The following ABCB11 variants were observed in gnomAD, a reference collection of about 807,000 sequenced individuals.
The protein encoded by ABCB11 is bile salt export pump.
In ABCB11, 95 loss-of-function variants were observed where a neutral mutation model predicts 148.0. That is an observed-to-expected ratio of 0.64 (90% confidence interval 0.54 to 0.76). The LOEUF (loss-of-function observed/expected upper bound fraction) is 0.76, where lower values mean the gene tolerates loss of function less well. ABCB11 is among the 30% of genes least tolerant of loss of function. The pLI is 0.00. For synonymous variants in ABCB11, 591 were observed against 555.4 expected (o/e 1.06, Z -0.90); for missense variants, 1,523 against 1,617.8 (o/e 0.94, Z 1.01).
At chr2:168,961,330 G>A (rs1033344758) in intron 18 of ABCB11, among the ~76,000 whole-genome samples, 2 of 151,812 alleles carry the variant, frequency 1.3e-5, no homozygotes, top group South Asian at 4.1e-4. Flanking sequence ...CCATTCAGTA[G>A]AGGTTCCCTG....
chr2:169,014,291 C>G lies in ABCB11; in HGVS notation c.150+12G>C, dbSNP rs376490841. 2.5e-6 allele frequency: 4 copies of G among 1,611,392 alleles called. No individual in the cohort carries two copies. The highest frequency in any genetic ancestry group is 3.4e-6 in the Non-Finnish European group (4 of 1,177,822). ...GCACACCCACTGCCATAAATCAACA[C>G]AGTTTTATTACCAATTGAAAGAAGC... On this transcript the variant is annotated intron_variant, in intron 4 of 27. Transcript: ENST00000650372.
At position 168,990,871 on chromosome 2, in the gene ABCB11, C is replaced by T; in HGVS notation, c.838G>A (p.Val280Met). ...ATTGATGAAATGACTTCATCAGCCA[C>T]CACCCCTGCTTTGGCATAGGCCTTC... ...ELKAYAKAGVVADEVISSMRT... is the reference protein window; with the variant it reads ...ELKAYAKAGVMADEVISSMRT... Residue 280 changes from valine to methionine, a missense_variant, in exon 9 of 28, where the codon GTG becomes ATG. Physicochemically the swap from Val to Met is conservative, Grantham distance 21. Transcript: ENST00000650372. 1 of 1,613,234 alleles carries T rather than the reference C, an allele frequency of 6.2e-7. No individual in the cohort carries two copies. Among genetic ancestry groups the T allele is most frequent in the Admixed American group, 1.7e-5 (1 of 59,916 alleles).
At chr2:168,919,620 C>T (rs1450390189), downstream of ABCB11, among the ~76,000 whole-genome samples, 1 of 150,776 alleles carries the variant, frequency 6.6e-6, no homozygotes, top group Non-Finnish European at 1.5e-5. Flanking sequence ...TTATCTGTGA[C>T]CTTATTTTTT....
rs575992447 is a variant in ABCB11, at chr2:168,932,413, G to A, written c.3177C>T (p.Pro1059=). ...ARFFQLLDRQ[P]PISVYNTAGE... ...CTGCAGTATTGTATACACTGATTGG[G>A]GGTTGTCGGTCCAGCAGTTGAAAAA... is the stretch of plus-strand genomic sequence containing the variant. The change falls in exon 24 of 28, where the codon CCC becomes CCT. Residue 1059 remains proline (P), a synonymous_variant. Transcript: ENST00000650372. The A allele has an allele frequency of 3.2e-6, 5 of 1,582,870 alleles. No individual in the cohort carries two copies. In the African/African-American group the frequency reaches 6.7e-5, roughly 21 times the overall value.
chr2:169,017,769 A>G (rs913602728), intron 2 of ABCB11, among the ~76,000 whole-genome samples: 2 of 152,196 alleles, frequency 1.3e-5, no homozygotes, highest in African/African-American at 4.8e-5. Context: ...AAAGGTAGTC[A>G]TAACAGCCAC....
At chr2:169,007,563 A>G (rs953069288) in intron 5 of ABCB11, among the ~76,000 whole-genome samples, 12 of 152,230 alleles carry the variant, frequency 7.9e-5, no homozygotes, top group African/African-American at 9.6e-5. Flanking sequence ...GGCACTTCAC[A>G]TGGCCAGAGC....
intron 1 of ABCB11, among the ~76,000 whole-genome samples, chr2:169,026,721 G>A (rs1174091314): frequency 6.6e-5 from 10 of 152,058 alleles, no homozygotes; most frequent in Admixed American, 6.5e-4. Flanking sequence ...ATGAGATGTT[G>A]GGAAACCCAT....
At chr2:168,925,237 T>C (rs987461913) in intron 26 of ABCB11, among the ~76,000 whole-genome samples, 2 of 152,248 alleles carry the variant, frequency 1.3e-5, no homozygotes, top group Admixed American at 1.3e-4. Context: ...GGCAGCATTC[T>C]GGAACACAGG....
chr2:168,964,543 A>G (rs978658022), intron 17 of ABCB11, among the ~76,000 whole-genome samples: 1 of 151,708 alleles, frequency 6.6e-6, no homozygotes, highest in Non-Finnish European at 1.5e-5. Flanking sequence ...CCAGATTCAG[A>G]GTGTAGTCAG....
At chr2:169,021,536 T>G (rs1458964693) in intron 1 of ABCB11, among the ~76,000 whole-genome samples, 2 of 151,944 alleles carry the variant, frequency 1.3e-5, no homozygotes, top group Non-Finnish European at 2.9e-5. Flanking sequence ...TAATGAAAAA[T>G]TTAAACACAA....
At chr2:168,939,464 C>T (rs915941847) in intron 21 of ABCB11, among the ~76,000 whole-genome samples, 5 of 152,038 alleles carry the variant, frequency 3.3e-5, no homozygotes, top group Non-Finnish European at 7.4e-5. Flanking sequence ...AGGAACACTA[C>T]ACATAATATG....
chr2:168,930,327 T>C (rs531057051), intron 25 of ABCB11, among the ~76,000 whole-genome samples: 1 of 152,348 alleles, frequency 6.6e-6, no homozygotes, highest in South Asian at 2.1e-4. Context: ...TTTCCATTCC[T>C]GGTCATTAGT....
In ABCB11 at chr2:168,969,567, G is replaced by A. The variant is rs779183806; in HGVS notation, c.1810-16C>T. ...CATGCTGAATCTGTAAGAATGTACA[G>A]TGCACCATTAAACAAAACTGTGAGA... On this transcript the variant is annotated splice_polypyrimidine_tract_variant and intron_variant, in intron 15 of 27. Coordinates refer to ENST00000650372, the MANE Select transcript of ABCB11 (RefSeq NM_003742.4). The A allele has an allele frequency of 1.2e-6, 2 of 1,606,442 alleles. No individual in the cohort carries two copies. The highest frequency in any genetic ancestry group is 1.7e-6 in the Non-Finnish European group (2 of 1,174,502).
intron 5 of ABCB11, among the ~76,000 whole-genome samples, chr2:168,999,451 T>A (rs1455842095): frequency 1.3e-5 from 2 of 152,026 alleles, no homozygotes; most frequent in Non-Finnish European, 2.9e-5. Flanking sequence ...CAAGACTCCC[T>A]CATATTGTCC....
intron 5 of ABCB11, among the ~76,000 whole-genome samples, chr2:169,010,761 C>T (rs1480910932): frequency 6.6e-6 from 1 of 152,114 alleles, no homozygotes; most frequent in Admixed American, 6.6e-5. Context: ...ACATGTTATT[C>T]AGAATAGAAC....
Position 168,993,776 on chromosome 2 carries a change from T to C in ABCB11, c.718A>G (p.Lys240Glu). 6.2e-7 allele frequency: 1 copy of C among 1,611,056 alleles called. No individual in the cohort carries two copies. Among genetic ancestry groups the C allele is most frequent in the African/African-American group, 1.3e-5 (1 of 74,932 alleles). The change falls in exon 8 of 28, where the codon AAA (lysine) becomes GAA (glutamate). Residue 240 changes from lysine (K) to glutamate (E), a missense_variant. By Grantham distance (56) the Lys-to-Glu change is moderately conservative. Coordinates refer to ENST00000650372, the MANE Select transcript of ABCB11 (RefSeq NM_003742.4). ...ACAGAAATAATAACCAAGGTCAGTT[T>C]CCAACCCCTGAAAAATCCCAACAGG... ...GFLLGFFRGW[K>E]LTLVIISVSP...
At chr2:168,961,861 A>C (rs1432298131) in intron 18 of ABCB11, among the ~76,000 whole-genome samples, 1 of 151,694 alleles carries the variant, frequency 6.6e-6, no homozygotes, top group Non-Finnish European at 1.5e-5. Context: ...GACCTTTAGC[A>C]CCGTAAGAGA....
chr2:168,944,593 C>T lies in ABCB11; in HGVS notation c.2610+12G>A, dbSNP rs1464446942. On this transcript the variant is annotated intron_variant, in intron 21 of 27. Coordinates refer to ENST00000650372, the MANE Select transcript of ABCB11 (RefSeq NM_003742.4). ...CAGTTAATATACTTCTATTTCCCCT[C>T]CCATAGCTCACCCCTTGAACTTGGG... 2 of 1,591,356 alleles carry T rather than the reference C, an allele frequency of 1.3e-6. No homozygotes were observed. The highest frequency in any genetic ancestry group is 1.8e-5 in the Admixed American group (1 of 56,480).
rs138729357 is a variant in ABCB11, at chr2:169,000,689, T to A, written c.390-3967A>T. 2.0e-5 allele frequency among the ~76,000 whole-genome samples: 3 copies of A among 152,294 alleles called. No individual in the cohort carries two copies. In the East Asian group the frequency reaches 5.8e-4, roughly 29 times the overall value. ...TTGACTGCATTAGCTATATAATATG[T>A]CTTGAAATTGGGTAGATTGATTCTT... On this transcript the variant is annotated intron_variant, in intron 5 of 27. Coordinates refer to ENST00000650372, the MANE Select transcript of ABCB11 (RefSeq NM_003742.4).
Sources: gnomAD v4.1 joint callset for allele counts (sites outside exome capture counted in the v4.1 genomes callset) on GRCh38, gnomAD v4.1.1 for gene constraint, MANE v1.5 for transcripts, NCBI Gene and HGNC (gene_info 2026-07-23, HGNC 2026-07-21) for gene names.